TSGA10: variants seen among roughly 807,000 people sequenced by gnomAD.
TSGA10 encodes testis-specific gene 10 protein.
Under a neutral mutation model 96.6 loss-of-function variants are expected in TSGA10, and 43 were observed. That is an observed-to-expected ratio of 0.44 (90% CI 0.35 to 0.57). The LOEUF (loss-of-function observed/expected upper bound fraction) is 0.57. Among genes scored for constraint, TSGA10 ranks in the 20% least tolerant of loss-of-function variants. The pLI is 0.01. For missense variants in TSGA10, 703 were observed against 834.4 expected, an observed-to-expected ratio of 0.84 and a Z score of 1.94; for synonymous variants, 229 against 269.9, an observed-to-expected ratio of 0.85 and a Z score of 1.48.
At chr2:99,138,105 T>C (rs2093399908) in intron 1 of TSGA10, among the ~76,000 whole-genome samples, 1 of 152,208 alleles carries the variant, frequency 6.6e-6, no homozygotes, top group Non-Finnish European at 1.5e-5. Flanking sequence ...TGTTATTTCA[T>C]TATAGCAGCC....
At chr2:99,121,583 C>T (rs1370867161) in intron 2 of TSGA10, among the ~76,000 whole-genome samples, 1 of 137,912 alleles carries the variant, frequency 7.3e-6, no homozygotes, top group Non-Finnish European at 1.6e-5. Flanking sequence ...GTGATCCTCC[C>T]ACCTCAGCCT....
chr2:99,069,779 G>A (rs1303738462), intron 14 of TSGA10, among the ~76,000 whole-genome samples: 1 of 151,980 alleles, frequency 6.6e-6, no homozygotes, highest in African/African-American at 2.4e-5. Context: ...TTCACATTAA[G>A]TGAATCATGC....
At chr2:99,137,001 C>CTT (rs11430590) in intron 1 of TSGA10, among the ~76,000 whole-genome samples, 8,199 of 129,250 alleles carry the variant, frequency 0.063, 448 homozygotes, top group Non-Finnish European at 0.094. Flanking sequence ...AACAGACTTC[C>CTT]TTTTTTTTTT....
rs756624311 is a variant in TSGA10 at position 99,035,238 on chromosome 2, T to C, written c.1606A>G (p.Ile536Val). 1 of 1,605,318 alleles carries C rather than the reference T, an allele frequency of 6.2e-7. No individual in the cohort carries two copies. The highest frequency in any genetic ancestry group is 1.1e-5 in the South Asian group (1 of 88,816). Residue 536 changes from isoleucine to valine, a missense_variant, in exon 17 of 21, where the codon ATA becomes GTA. Physicochemically the swap from Ile to Val is conservative, Grantham distance 29. Around this residue, in one of 3 missense-constraint regions of TSGA10, gnomAD observed 585 missense variants for 656.8 expected, o/e 0.89. Coordinates refer to ENST00000393483, the MANE Select transcript of TSGA10 (RefSeq NM_025244.4). ...TAAAATATATTACATACCATTTCTA[T>C]TTCTTGATCTTTAGCAACCAGCTGT... The part of the protein sequence containing the change: ...NRQLVAKDQE[I>V]EMRENELDSA...
chr2:99,067,435 T>A (rs1213350910), intron 15 of TSGA10, among the ~76,000 whole-genome samples: 1 of 152,226 alleles, frequency 6.6e-6, no homozygotes, highest in Admixed American at 6.5e-5. Context: ...ATGTGTGATG[T>A]CTGAAAATAT....
At chr2:99,109,020 T>C in intron 6 of TSGA10, 29 bp from the exon 7 acceptor site, 1 of 1,489,396 alleles carries the variant, frequency 6.7e-7, no homozygotes, top group East Asian at 2.3e-5. Context: ...TTTGAAATCT[T>C]CTTTGATATA....
chr2:99,076,425 T>C (rs2086705696), intron 12 of TSGA10, among the ~76,000 whole-genome samples: 1 of 152,152 alleles, frequency 6.6e-6, no homozygotes, highest in Admixed American at 6.5e-5. Flanking sequence ...AACATTTCAT[T>C]ATCATTATTT....
At chr2:99,026,136 T>C (rs1479520474) in intron 17 of TSGA10, among the ~76,000 whole-genome samples, 1 of 152,208 alleles carries the variant, frequency 6.6e-6, no homozygotes, top group African/African-American at 2.4e-5. Flanking sequence ...TATATTTCCT[T>C]GTTGATGTTC....
chr2:99,104,250 A>T, intron 9 of TSGA10, 132 bp from the exon 10 acceptor site: 1 of 987,596 alleles, frequency 1.0e-6, no homozygotes, highest in South Asian at 1.9e-5. Context: ...GTTAGACCTG[A>T]CTGCTGTAGA....
At chr2:99,149,139 C>T (rs1203404311) in intron 1 of TSGA10, among the ~76,000 whole-genome samples, 3 of 147,330 alleles carry the variant, frequency 2.0e-5, no homozygotes, top group Non-Finnish European at 3.0e-5. Context: ...CACTTCACTC[C>T]AGCCTGGGTG....
intron 1 of TSGA10, chr2:99,142,489 T>C (rs1441360479): frequency 6.6e-6 from 1 of 152,210 alleles, no homozygotes; most frequent in East Asian, 1.9e-4. Flanking sequence ...AAAATACATT[T>C]AATATAAATG....
At chr2:99,063,738 G>A (rs577370774) in intron 16 of TSGA10, among the ~76,000 whole-genome samples, 2 of 147,290 alleles carry the variant, frequency 1.4e-5, no homozygotes, top group East Asian at 1.9e-4. Flanking sequence ...TCTGGAAAGC[G>A]GAGGTTGCAG....
chr2:99,074,923 A>C (rs1425027567), intron 12 of TSGA10, among the ~76,000 whole-genome samples: 1 of 151,174 alleles, frequency 6.6e-6, no homozygotes, highest in Non-Finnish European at 1.5e-5. Flanking sequence ...GTGTCACTGC[A>C]CTCCAACCTG....
intron 10 of TSGA10, among the ~76,000 whole-genome samples, chr2:99,083,409 C>A: frequency 6.6e-6 from 1 of 151,822 alleles, no homozygotes; most frequent in Non-Finnish European, 1.5e-5. Context: ...TCAAGTAATC[C>A]ATGAAAAGGC....
chr2:99,101,215 A>C (rs1251517029), intron 10 of TSGA10, among the ~76,000 whole-genome samples: 1 of 124,720 alleles, frequency 8.0e-6, no homozygotes, highest in Non-Finnish European at 1.6e-5. Context: ...ACTGCACTCC[A>C]GCCTGGGCGA....
At chr2:99,119,494 A>T (rs1366610827) in intron 2 of TSGA10, among the ~76,000 whole-genome samples, 1 of 152,170 alleles carries the variant, frequency 6.6e-6, no homozygotes, top group Non-Finnish European at 1.5e-5. Context: ...AATCTCATTA[A>T]ATTCATTTAA....
chr2:99,103,926 T>C, intron 10 of TSGA10, 41 bp downstream of exon 10: 1 of 1,601,578 alleles, frequency 6.2e-7, no homozygotes, highest in Non-Finnish European at 8.5e-7. Flanking sequence ...AGAGCTATAG[T>C]TATAGTAAAC....
intron 20 of TSGA10, among the ~76,000 whole-genome samples, chr2:99,004,688 T>A (rs954945524): frequency 1.3e-5 from 2 of 151,928 alleles, no homozygotes; most frequent in African/African-American, 4.8e-5. Flanking sequence ...ACCAGATGGA[T>A]TCACAGCCGA....
chr2:99,075,149 T>A (rs1056921682), intron 12 of TSGA10, among the ~76,000 whole-genome samples: 1 of 152,230 alleles, frequency 6.6e-6, no homozygotes, highest in African/African-American at 2.4e-5. Flanking sequence ...AATATGACCC[T>A]AATACCACCA....
Sources: gnomAD v4.1 joint callset for allele counts (sites outside exome capture counted in the v4.1 genomes callset) on GRCh38, gnomAD v4.1.1 for gene constraint, gnomAD v4.1.1 regional missense constraint, MANE v1.5 for transcripts, NCBI Gene and HGNC (gene_info 2026-07-23, HGNC 2026-07-21) for gene names.